Variants in ING5 observed in about 807,000 individuals in gnomAD.
ING5 encodes the protein inhibitor of growth family member 5, also known as inhibitor of growth protein 5.
ING5 carries 17 observed loss-of-function variants against 37.4 expected under a neutral mutation model. The observed-to-expected ratio is 0.45, with a 90% CI of 0.31 to 0.68. The LOEUF (loss-of-function observed/expected upper bound fraction) is 0.68. Ranked by LOEUF, ING5 falls within the 30% of genes least tolerant of loss-of-function variation. ING5 has a pLI of 0.05. For missense variants in ING5, 233 were observed against 311.9 expected (o/e 0.75, Z 1.91); for synonymous variants, 123 against 116.6 (o/e 1.06, Z -0.36).
rs1267693804 is a variant in ING5 at position 241,708,951 on chromosome 2, A to G, written c.110-265A>G. The G allele has an allele frequency of 9.2e-6, 3 of 324,990 alleles. No homozygotes were observed. In the Admixed American group the frequency reaches 1.5e-4, roughly 16 times the overall value. The allele number at this position is 324,990 out of a possible 1,614,324, so 20.1% of individuals were successfully genotyped here. A position where few individuals can be genotyped will look rare whatever the true frequency, so the allele number is the denominator to read the frequency against. The stretch of plus-strand genomic sequence containing the variant: ...TTCATACAGGATGTTTGAGAGTCGA[A>G]GAAGGCACTGTGACCACTTGCTGTG... On this transcript the variant is annotated intron_variant, in intron 2 of 7. Coordinates refer to ENST00000313552, the MANE Select transcript of ING5 (RefSeq NM_032329.6).
intron 5 of ING5, chr2:241,721,222 G>A (rs1575140124): frequency 2.7e-5 from 27 of 985,518 alleles, no homozygotes; most frequent in Non-Finnish European, 2.9e-5. Flanking sequence ...TCCCGGAATC[G>A]GCAGGAGGCT....
rs1162855399 is a variant in ING5, at chr2:241,725,882, T to G, written c.*851T>G. On this transcript the variant is annotated 3_prime_UTR_variant, in exon 8 of 8. Coordinates refer to ENST00000313552, the MANE Select transcript of ING5 (RefSeq NM_032329.6). ...CCAGGAGCTGACGAACCACGAATGC[T>G]TCTGCCTGTGCTGTGCATTCCCAGG... The G allele has an allele frequency of 3.3e-5, 5 of 152,682 alleles. No homozygotes were observed. The highest frequency in any genetic ancestry group is 7.3e-5 in the Non-Finnish European group (5 of 68,042). The allele number at this position is 152,682 out of a possible 1,614,324, so 9.5% of individuals were successfully genotyped here.
chr2:241,702,047 A>G lies in ING5; in HGVS notation c.-19A>G, dbSNP rs1368775754. On this transcript the variant is annotated 5_prime_UTR_variant, in exon 1 of 8. Coordinates refer to ENST00000313552, the MANE Select transcript of ING5 (RefSeq NM_032329.6). ...GCACCGCCCGCCCGCGCAGACCCCG[A>G]GCGCGGCCGCGGACGAAGATGGCGA... 2 of 1,379,076 alleles carry G rather than the reference A, an allele frequency of 1.5e-6. No homozygotes were observed. The highest frequency in any genetic ancestry group is 1.9e-6 in the Non-Finnish European group (2 of 1,061,658). 85.4% of individuals were successfully genotyped at this position (1,379,076 alleles called of 1,614,324 possible). A position where few individuals can be genotyped will look rare whatever the true frequency, so the allele number is the denominator to read the frequency against.
upstream of ING5, chr2:241,702,030 C>A: frequency 7.4e-7 from 1 of 1,355,574 alleles, no homozygotes; most frequent in Non-Finnish European, 9.5e-7. Context: ...CGGCACCGCC[C>A]GCCCGCGCAG....
In ING5 at chr2:241,727,624, G is replaced by A. The variant is rs1035310576; in HGVS notation, c.*2593G>A. The stretch of plus-strand genomic sequence containing the variant: ...GCCACCGCACCCGGCCAACACAGAT[G>A]TTTATTGATCGTGGAGGATACATTG... On this transcript the variant is annotated 3_prime_UTR_variant, in exon 8 of 8. Coordinates refer to ENST00000313552, the MANE Select transcript of ING5 (RefSeq NM_032329.6). The A allele has an allele frequency of 3.3e-5, 5 of 152,274 alleles. No individual in the cohort carries two copies. Among genetic ancestry groups the A allele is most frequent in the African/African-American group, 9.6e-5 (4 of 41,466 alleles). The allele number at this position is 152,274 out of a possible 1,614,324, so 9.4% of individuals were successfully genotyped here.
At chr2:241,687,195 G>C (rs2069449353) in exon 1 of ING5, 1 of 395,222 alleles carries the variant, frequency 2.5e-6, no homozygotes, top group Admixed American at 4.4e-5. Context: ...GTTGGCCCCT[G>C]GCTGCGCGCA....
upstream of ING5, chr2:241,701,992 G>A (rs571522505): frequency 2.3e-4 from 259 of 1,129,394 alleles, 2 homozygotes; most frequent in African/African-American, 3.2e-3. Context: ...TAGTGAGCGC[G>A]CTGGCACCGC....
chr2:241,724,889 G>C, intron 7 of ING5, 100 bp from the exon 8 acceptor site: 1 of 1,270,804 alleles, frequency 7.9e-7, no homozygotes, highest in Non-Finnish European at 1.1e-6. Flanking sequence ...CCTCCTGCCG[G>C]CGTCCAGCAG....
At chr2:241,710,597 G>A (rs1057279225) in intron 3 of ING5, among the ~76,000 whole-genome samples, 1 of 152,186 alleles carries the variant, frequency 6.6e-6, no homozygotes, top group African/African-American at 2.4e-5. Flanking sequence ...CGATTCTCCG[G>A]CTTCAGCCTC....
At chr2:241,719,229 A>G (rs1396023276) in intron 5 of ING5, among the ~76,000 whole-genome samples, 1 of 152,182 alleles carries the variant, frequency 6.6e-6, no homozygotes, top group East Asian at 1.9e-4. Flanking sequence ...CTCTGCTTTT[A>G]GTTGCTCTGT....
intron 5 of ING5, chr2:241,722,124 C>T (rs1559313961): frequency 2.0e-6 from 2 of 985,256 alleles, no homozygotes; most frequent in South Asian, 4.7e-5. Flanking sequence ...GGGCGCAGGA[C>T]GCATGGCTGT....
chr2:241,700,143 C>G (rs1401016870), upstream of ING5, among the ~76,000 whole-genome samples: 1 of 142,994 alleles, frequency 7.0e-6, no homozygotes, highest in African/African-American at 2.6e-5. Flanking sequence ...CCATTATGCC[C>G]GGCTAAGTTT....
chr2:241,715,993 A>C (rs1303931923), intron 5 of ING5, among the ~76,000 whole-genome samples: 1 of 151,804 alleles, frequency 6.6e-6, no homozygotes, highest in African/African-American at 2.4e-5. Flanking sequence ...GGATTTCACC[A>C]TGCTGGGCAG....
chr2:241,688,741 AG>A (rs1339572504), intron 1 of ING5, among the ~76,000 whole-genome samples: 1 of 152,094 alleles, frequency 6.6e-6, no homozygotes, highest in Non-Finnish European at 1.5e-5. Flanking sequence ...CTCCTGCCTC[AG>A]CCTCCTGAGT....
upstream of ING5, among the ~76,000 whole-genome samples, chr2:241,701,626 GA>G (rs2069727897): frequency 6.6e-6 from 1 of 152,188 alleles, no homozygotes; most frequent in Non-Finnish European, 1.5e-5. Flanking sequence ...TTCGGGAAGG[GA>G]GGGCCTCGTG....
chr2:241,724,816 G>A (rs1304927272), intron 7 of ING5, 173 bp from the exon 8 acceptor site: 2 of 624,596 alleles, frequency 3.2e-6, no homozygotes, highest in Non-Finnish European at 5.7e-6. Context: ...AGAGCCGCAC[G>A]TGCATCGGCG....
chr2:241,696,452 A>G (rs926882110), intron 2 of ING5, among the ~76,000 whole-genome samples: 8 of 152,070 alleles, frequency 5.3e-5, no homozygotes, highest in African/African-American at 1.9e-4. Context: ...GAAAAGTAGT[A>G]GAAAAATGGT....
chr2:241,719,504 T>C (rs1334150833), intron 5 of ING5: 1 of 1,516,196 alleles, frequency 6.6e-7, no homozygotes, highest in African/African-American at 1.4e-5. Context: ...TTCTGAGTCT[T>C]CCTGCTCCTT....
chr2:241,697,434 C>CA (rs1189871969), upstream of ING5, among the ~76,000 whole-genome samples: 11,456 of 69,360 alleles, frequency 0.17, 757 homozygotes, highest in East Asian at 0.42. Context: ...GACTCTGTCT[C>CA]AAAAAAAAAA....
Sources: allele counts gnomAD v4.1 joint callset (sites outside exome capture counted in the v4.1 genomes callset), GRCh38; gene constraint gnomAD v4.1.1; transcripts MANE v1.5; gene names NCBI Gene and HGNC (gene_info 2026-07-23, HGNC 2026-07-21).